The following ORC2 variants were observed in gnomAD, a reference collection of about 807,000 sequenced individuals.
The protein encoded by ORC2 is origin recognition complex subunit 2, also known as origin recognition complex protein 2 homolog.
A neutral mutation model predicts 77.7 loss-of-function variants in ORC2; 37 were observed. The ratio of observed to expected loss-of-function variants is 0.48; its 90% CI spans 0.37 to 0.63. The LOEUF is 0.63. Among genes scored for constraint, ORC2 ranks in the 20% least tolerant of loss-of-function variants. The pLI, the probability that ORC2 is intolerant of heterozygous loss-of-function variation, is 0.00. For missense variants in ORC2, 557 were observed against 661.9 expected (o/e 0.84, Z 1.74); for synonymous variants, 201 against 229.5 (o/e 0.88, Z 1.12).
At chr2:200,946,051 C>T (rs1343099015) in intron 5 of ORC2, among the ~76,000 whole-genome samples, 2 of 152,176 alleles carry the variant, frequency 1.3e-5, no homozygotes, top group Non-Finnish European at 2.9e-5. Context: ...TATTTTCTTA[C>T]TCTAGATACA....
chr2:200,923,113 A>G (rs2040786142), intron 13 of ORC2, among the ~76,000 whole-genome samples: 1 of 152,230 alleles, frequency 6.6e-6, no homozygotes, highest in African/African-American at 2.4e-5. Context: ...CTTGACTCTC[A>G]TTACATTAAG....
chr2:200,958,265 T>C, intron 2 of ORC2, 132 bp from the exon 3 acceptor site: 1 of 570,246 alleles, frequency 1.8e-6, no homozygotes, highest in Non-Finnish European at 3.1e-6. Flanking sequence ...AAATACATTA[T>C]GCATTACTGT....
rs2040533419 is a variant in ORC2, at chr2:200,910,538, ATTCAGGAT to A, written c.*755_*762del. On this transcript the variant is annotated 3_prime_UTR_variant, in exon 18 of 18. Transcript: ENST00000234296. ...TCTTGAAAACAATTACTAAAATGTA[ATTCAGGAT>A]TTTATTTCTCTAGCCTGGCTTCTCA... 1 of 152,212 alleles carries A rather than the reference ATTCAGGAT, an allele frequency of 6.6e-6. No homozygotes were observed. Among genetic ancestry groups the A allele is most frequent in the South Asian group, 2.1e-4 (1 of 4,832 alleles). The allele number at this position is 152,212 out of a possible 1,614,324, so 9.4% of individuals were successfully genotyped here. A position where few individuals can be genotyped will look rare whatever the true frequency, so the allele number is the denominator to read the frequency against.
At chr2:200,917,714 G>A (rs2040680946) in intron 15 of ORC2, among the ~76,000 whole-genome samples, 1 of 152,136 alleles carries the variant, frequency 6.6e-6, no homozygotes, top group South Asian at 2.1e-4. Context: ...ATACTGTACT[G>A]TGTTTATATG....
intron 17 of ORC2, among the ~76,000 whole-genome samples, chr2:200,911,621 T>G (rs983877798): frequency 1.8e-4 from 27 of 152,192 alleles, no homozygotes; most frequent in African/African-American, 6.5e-4. Flanking sequence ...GGGTATTTAT[T>G]TTTTTCATTG....
chr2:200,934,968 C>T (rs571198839), intron 9 of ORC2, among the ~76,000 whole-genome samples: 208 of 152,264 alleles, frequency 1.4e-3, no homozygotes, highest in Non-Finnish European at 2.5e-3. Flanking sequence ...GGGTCCCTAG[C>T]CACATCATTC....
chr2:200,941,969 CTCCAGCCT>C (rs958602192), intron 6 of ORC2, among the ~76,000 whole-genome samples: 1 of 151,030 alleles, frequency 6.6e-6, no homozygotes, highest in African/African-American at 2.5e-5. Context: ...CACTCCAGCA[CTCCAGCCT>C]GGGTGAAAAG....
In ORC2 at chr2:200,921,013, T is replaced by C; in HGVS notation, c.1274A>G (p.Asp425Gly). The C allele has an allele frequency of 6.3e-7, 1 of 1,594,136 alleles. No individual in the cohort carries two copies. The highest frequency in any genetic ancestry group is 1.2e-5 in the South Asian group (1 of 86,618). The change falls in exon 14 of 18, where the codon GAC (aspartate) becomes GGC (glycine). Residue 425 changes from aspartate to glycine, a missense_variant. Transcript: ENST00000234296. ...LHNIYLIASIDHLNAPLMWDH... is the reference protein window; with the variant it reads ...LHNIYLIASIGHLNAPLMWDH... ...CTTACTGAGAGGAGCATTGAGGTGGTCAATGGATGCTATAAGGTAAATGTT... is the reference window on the plus strand; with the variant it reads ...CTTACTGAGAGGAGCATTGAGGTGGCCAATGGATGCTATAAGGTAAATGTT...
chr2:200,953,187 G>A (rs534354802), intron 4 of ORC2, among the ~76,000 whole-genome samples: 1 of 148,892 alleles, frequency 6.7e-6, no homozygotes, highest in East Asian at 2.0e-4. Context: ...AAAGACTCAA[G>A]TCCTACATCA....
chr2:200,957,044 C>T (rs962779444), intron 4 of ORC2, among the ~76,000 whole-genome samples: 1 of 152,102 alleles, frequency 6.6e-6, no homozygotes, highest in African/African-American at 2.4e-5. Context: ...TAAGGACAGA[C>T]AGCTAATGCA....
intron 11 of ORC2, among the ~76,000 whole-genome samples, chr2:200,927,498 C>T (rs2040860632): frequency 6.8e-6 from 1 of 147,748 alleles, no homozygotes; most frequent in Non-Finnish European, 1.5e-5. Context: ...ATCGAGACCA[C>T]AGTGAAACCC....
rs183566498 is a variant in ORC2 at position 200,953,882 on chromosome 2, T to C, written c.238+3519A>G. 9.9e-5 allele frequency among the ~76,000 whole-genome samples: 15 copies of C among 152,234 alleles called. No homozygotes were observed. In the East Asian group the frequency reaches 1.5e-3, roughly 16 times the overall value. On this transcript the variant is annotated intron_variant, in intron 4 of 17. Coordinates refer to ENST00000234296, the MANE Select transcript of ORC2 (RefSeq NM_006190.5). ...CCCATGCTAGTGTGCAATGGTGTGA[T>C]TGTGGCTCACTGCAGCCTCAACCTC... is the stretch of plus-strand genomic sequence containing the variant.
At chr2:200,915,936 C>T (rs1324003763) in intron 15 of ORC2, among the ~76,000 whole-genome samples, 1 of 152,086 alleles carries the variant, frequency 6.6e-6, no homozygotes, top group African/African-American at 2.4e-5. Context: ...GTCAAGTGAT[C>T]CGCCCACTTC....
chr2:200,933,508 A>T (rs968155941), intron 10 of ORC2, among the ~76,000 whole-genome samples: 1 of 152,190 alleles, frequency 6.6e-6, no homozygotes, highest in Non-Finnish European at 1.5e-5. Context: ...CTGAAGAAAT[A>T]ATAAACGAGT....
intron 17 of ORC2, among the ~76,000 whole-genome samples, chr2:200,912,838 T>C (rs967713900): frequency 3.9e-5 from 6 of 152,216 alleles, no homozygotes; most frequent in African/African-American, 1.4e-4. Flanking sequence ...ATCATAGGAC[T>C]TCCTTACAGT....
At position 200,931,322 on chromosome 2, in the gene ORC2, G is replaced by A. The variant is rs1261349306; in HGVS notation, c.917+17C>T. ...ATTATTCTTTATTTTACAAGGGTTT[G>A]TAATGATAATACTTACTGTAATTGC... On this transcript the variant is annotated intron_variant, in intron 11 of 17. Transcript: ENST00000234296. The A allele has an allele frequency of 3.0e-6, 3 of 1,008,130 alleles. No homozygotes were observed. Among genetic ancestry groups the A allele is most frequent in the Non-Finnish European group, 4.4e-6 (3 of 682,840 alleles). 62.4% of individuals were successfully genotyped at this position (1,008,130 alleles called of 1,614,324 possible).
At position 200,950,581 on chromosome 2, in the gene ORC2, ATGATG is replaced by A. The variant is rs796598319; in HGVS notation, c.239-943_239-939del. 2.6e-5 allele frequency among the ~76,000 whole-genome samples: 4 copies of A among 152,340 alleles called. No homozygotes were observed. In the South Asian group the frequency reaches 6.2e-4, roughly 24 times the overall value. On this transcript the variant is annotated intron_variant, in intron 4 of 17. Transcript: ENST00000234296. ...TACAGTGAGGTATGCCAGAGACGACATGATGTGATAACAAGTTACCATATTGACTA... is the reference window on the plus strand; with the variant it reads ...TACAGTGAGGTATGCCAGAGACGACATGATAACAAGTTACCATATTGACTA...
intron 17 of ORC2, among the ~76,000 whole-genome samples, chr2:200,912,403 ACT>A (rs1362993146): frequency 6.6e-6 from 1 of 151,282 alleles, no homozygotes; most frequent in Admixed American, 6.6e-5. Flanking sequence ...CTAAAATGTC[ACT>A]CTTTCAGTGT....
At chr2:200,937,381 T>C (rs150555594) in intron 8 of ORC2, among the ~76,000 whole-genome samples, 1 of 152,256 alleles carries the variant, frequency 6.6e-6, no homozygotes, top group East Asian at 1.9e-4. Flanking sequence ...ATCCATACCT[T>C]GAAAAGAAAG....
Sources: allele counts gnomAD v4.1 joint callset (sites outside exome capture counted in the v4.1 genomes callset), GRCh38; gene constraint gnomAD v4.1.1; transcripts MANE v1.5; gene names NCBI Gene and HGNC (gene_info 2026-07-23, HGNC 2026-07-21).